MKLN1: variants seen among roughly 807,000 people sequenced by gnomAD.
The protein encoded by MKLN1 is muskelin 1, also known as muskelin.
Under a neutral mutation model 99.0 loss-of-function variants are expected in MKLN1, and 18 were observed. That is an observed-to-expected ratio of 0.18 (90% CI 0.13 to 0.27). The LOEUF (loss-of-function observed/expected upper bound fraction) is 0.27, where lower values mean the gene tolerates loss of function less well. Among genes scored for constraint, MKLN1 ranks in the 10% least tolerant of loss-of-function variants. MKLN1 has a pLI of 1.00. For missense variants in MKLN1, 621 were observed against 875.9 expected, an observed-to-expected ratio of 0.71 and a Z score of 3.67; for synonymous variants, 288 against 293.2, an observed-to-expected ratio of 0.98 and a Z score of 0.18.
chr7:131,385,406 G>A (rs1024941328), intron 2 of MKLN1, among the ~76,000 whole-genome samples: 3 of 151,546 alleles, frequency 2.0e-5, no homozygotes, highest in Non-Finnish European at 4.4e-5. Context: ...TGGTCGTGTA[G>A]TAATTCTGTT....
chr7:131,407,326 T>TA (rs1233016030), intron 6 of MKLN1, among the ~76,000 whole-genome samples: 2 of 152,086 alleles, frequency 1.3e-5, no homozygotes, highest in African/African-American at 4.8e-5. Flanking sequence ...TGCTTTTTTT[T>TA]ATTTGTGGAA....
chr7:131,257,552 C>T (rs1182452203), intron 3 of MKLN1, among the ~76,000 whole-genome samples: 1 of 152,164 alleles, frequency 6.6e-6, no homozygotes, highest in Non-Finnish European at 1.5e-5. Flanking sequence ...GCCCTAGTCC[C>T]CCAAACCTGA....
chr7:131,427,970 C>T (rs1795406710), intron 8 of MKLN1, among the ~76,000 whole-genome samples: 1 of 151,992 alleles, frequency 6.6e-6, no homozygotes, highest in African/African-American at 2.4e-5. Flanking sequence ...TCAATACCAT[C>T]CTGGACAACA....
intron 3 of MKLN1, among the ~76,000 whole-genome samples, chr7:131,260,685 G>A (rs560839380): frequency 3.3e-5 from 5 of 152,248 alleles, no homozygotes; most frequent in Admixed American, 6.5e-5. Context: ...GAGGCATCAC[G>A]TTACCTGTAA....
chr7:131,488,635 C>T lies in MKLN1; in HGVS notation c.*907C>T, dbSNP rs535625970. 3.9e-5 allele frequency: 6 copies of T among 152,480 alleles called. No individual in the cohort carries two copies. The highest frequency in any genetic ancestry group is 5.9e-5 in the Non-Finnish European group (4 of 67,956). The allele number at this position is 152,480 out of a possible 1,614,324, so 9.4% of individuals were successfully genotyped here. On this transcript the variant is annotated 3_prime_UTR_variant, in exon 18 of 18. Coordinates refer to ENST00000352689, the MANE Select transcript of MKLN1 (RefSeq NM_013255.5). ...AAGAGCTCTGCAGAACCAGGGCTCC[C>T]GTTTATCTTGTGCTATCTCTGTAGT...
chr7:131,135,905 T>C (rs1189540508), intron 1 of MKLN1, among the ~76,000 whole-genome samples: 1 of 152,150 alleles, frequency 6.6e-6, no homozygotes, highest in Non-Finnish European at 1.5e-5. Context: ...AATAGATAAA[T>C]GAGTTATTCT....
At chr7:131,291,361 C>A (rs960668094) in intron 3 of MKLN1, among the ~76,000 whole-genome samples, 1 of 151,242 alleles carries the variant, frequency 6.6e-6, no homozygotes, top group Non-Finnish European at 1.5e-5. Context: ...GAACTCCTGA[C>A]CTCAGGTGAT....
At chr7:131,249,639 TG>T (rs1183367570) in intron 3 of MKLN1, among the ~76,000 whole-genome samples, 1 of 151,928 alleles carries the variant, frequency 6.6e-6, no homozygotes, top group African/African-American at 2.4e-5. Flanking sequence ...TACCTCAAAT[TG>T]GAGAGTCAGG....
At chr7:131,242,697 C>T (rs1430948717) in intron 3 of MKLN1, 2 of 651,128 alleles carry the variant, frequency 3.1e-6, no homozygotes, top group African/African-American at 1.8e-5. Context: ...TACCTTAGAT[C>T]GCCCCTACAG....
intron 3 of MKLN1, among the ~76,000 whole-genome samples, chr7:131,268,252 A>C (rs1440290063): frequency 6.6e-6 from 1 of 152,186 alleles, no homozygotes; most frequent in Non-Finnish European, 1.5e-5. Flanking sequence ...CTTGATGTTG[A>C]GCTTGGCTGC....
chr7:131,457,388 GA>G (rs1176986471), intron 12 of MKLN1, among the ~76,000 whole-genome samples: 1 of 151,816 alleles, frequency 6.6e-6, no homozygotes, highest in African/African-American at 2.4e-5. Context: ...TATAAAAACA[GA>G]ACCATACGGA....
chr7:131,215,009 T>C (rs1796958504), intron 3 of MKLN1, among the ~76,000 whole-genome samples: 1 of 152,214 alleles, frequency 6.6e-6, no homozygotes, highest in Non-Finnish European at 1.5e-5. Context: ...TGATAAATAC[T>C]GAGATGTAGG....
At chr7:131,250,590 T>C (rs1797563291) in intron 3 of MKLN1, among the ~76,000 whole-genome samples, 1 of 152,054 alleles carries the variant, frequency 6.6e-6, no homozygotes, top group Non-Finnish European at 1.5e-5. Context: ...GAGCCTTGGG[T>C]CACAAGGCTG....
intron 2 of MKLN1, among the ~76,000 whole-genome samples, chr7:131,151,286 A>G (rs1250785118): frequency 6.6e-6 from 1 of 152,176 alleles, no homozygotes; most frequent in East Asian, 1.9e-4. Flanking sequence ...CCATAAGAAA[A>G]TTTTGCTAAG....
intron 12 of MKLN1, among the ~76,000 whole-genome samples, chr7:131,450,210 A>G (rs1388016928): frequency 1.3e-5 from 2 of 152,182 alleles, no homozygotes; most frequent in Non-Finnish European, 2.9e-5. Flanking sequence ...GGATACAGCT[A>G]TTCTGTGTTA....
chr7:131,496,202 A>T lies in MKLN1; in HGVS notation c.*8474A>T, dbSNP rs958703795. 1 of 152,232 alleles carries T rather than the reference A, an allele frequency of 6.6e-6. No homozygotes were observed. The highest frequency in any genetic ancestry group is 1.9e-4 in the East Asian group (1 of 5,186). 9.4% of individuals were successfully genotyped at this position (152,232 alleles called of 1,614,324 possible). The stretch of plus-strand genomic sequence containing the variant: ...TACTCTTACCCCCTCTTCTGTGGCA[A>T]TGTGGGGTCAGGGCCGTATCCTAAA... On this transcript the variant is annotated 3_prime_UTR_variant, in exon 18 of 18. Coordinates refer to ENST00000352689, the MANE Select transcript of MKLN1 (RefSeq NM_013255.5).
At chr7:131,197,101 C>A (rs1796658173) in intron 2 of MKLN1, among the ~76,000 whole-genome samples, 1 of 152,154 alleles carries the variant, frequency 6.6e-6, no homozygotes, top group Non-Finnish European at 1.5e-5. Flanking sequence ...AGAATCAAGA[C>A]AAAGTGAAGA....
intron 2 of MKLN1, among the ~76,000 whole-genome samples, chr7:131,177,775 T>C (rs1796320631): frequency 6.6e-6 from 1 of 152,234 alleles, no homozygotes. Context: ...CACATTTCTA[T>C]TCATATCACA....
chr7:131,347,119 A>G (rs1026647501), intron 1 of MKLN1, among the ~76,000 whole-genome samples: 11 of 152,174 alleles, frequency 7.2e-5, no homozygotes, highest in Non-Finnish European at 1.2e-4. Context: ...CTGCATAATT[A>G]TATATAGCAG....
Sources: allele counts gnomAD v4.1 joint callset (sites outside exome capture counted in the v4.1 genomes callset), GRCh38; gene constraint gnomAD v4.1.1; transcripts MANE v1.5; gene names NCBI Gene and HGNC (gene_info 2026-07-23, HGNC 2026-07-21).